The following VPS13D variants were observed in gnomAD, a reference collection of about 807,000 sequenced individuals.
The protein encoded by VPS13D is intermembrane lipid transfer protein VPS13D.
A neutral mutation model predicts 461.9 loss-of-function variants in VPS13D; 187 were observed. The ratio of observed to expected loss-of-function variants is 0.40; its 90% CI spans 0.36 to 0.46. The LOEUF (loss-of-function observed/expected upper bound fraction) is 0.46. Among genes scored for constraint, VPS13D ranks in the 20% least tolerant of loss-of-function variants. VPS13D has a pLI of 0.60. For synonymous variants in VPS13D, 1,951 were observed against 1,986.3 expected (o/e 0.98, Z 0.47); for missense variants, 4,711 against 5,364.9 (o/e 0.88, Z 3.81).
rs1305001366 is a variant in VPS13D at position 12,257,956 on chromosome 1, T to C, written c.963T>C (p.Phe321=). ...ISKNCREWWY[F]ALNANLYEIR... is the part of the protein sequence containing the mutation. ...TCAGCTGCCGAGAATGGTGGTATTTTGCTTTGAATGCTAACTTGTATGAGA... is the reference window on the plus strand; with the variant it reads ...TCAGCTGCCGAGAATGGTGGTATTTCGCTTTGAATGCTAACTTGTATGAGA... Residue 321 remains phenylalanine, a synonymous_variant, in exon 10 of 70, where the codon TTT becomes TTC. Transcript: ENST00000620676. 1 of 1,614,204 alleles carries C rather than the reference T, an allele frequency of 6.2e-7. No individual in the cohort carries two copies. The highest frequency in any genetic ancestry group is 1.1e-5 in the South Asian group (1 of 91,082).
rs571493361 is a variant in VPS13D at position 12,260,401 on chromosome 1, G to T, written c.1111-292G>T. On this transcript the variant is annotated intron_variant, in intron 10 of 69. Transcript: ENST00000620676. ...ATTCACCATTCATCTCAGGTGTCAT[G>T]AAACTTGTTAGTGATTTTTTTTTTC... Among the ~76,000 whole-genome samples the T allele has an allele frequency of 6.7e-4, 102 of 152,256 alleles. 4 individuals are homozygous for T. In the South Asian group the frequency reaches 0.021, roughly 31 times the overall value.
chr1:12,414,095 G>T (rs1644765406), intron 63 of VPS13D, among the ~76,000 whole-genome samples: 1 of 152,118 alleles, frequency 6.6e-6, no homozygotes, highest in South Asian at 2.1e-4. Flanking sequence ...ACCAGCCTGG[G>T]CAACATGGTG....
intron 65 of VPS13D, among the ~76,000 whole-genome samples, chr1:12,455,717 G>C (rs1025738152): frequency 3.3e-5 from 5 of 152,022 alleles, no homozygotes; most frequent in Non-Finnish European, 7.4e-5. Context: ...TCAGGAGTTC[G>C]AGACTAGCCT....
At chr1:12,352,855 C>T (rs1466943289) in intron 46 of VPS13D, among the ~76,000 whole-genome samples, 1 of 149,720 alleles carries the variant, frequency 6.7e-6, no homozygotes, top group Non-Finnish European at 1.5e-5. Context: ...ATCCCAGCTA[C>T]TCAGGAGGCT....
At chr1:12,354,958 C>A (rs978112626) in intron 47 of VPS13D, among the ~76,000 whole-genome samples, 1 of 152,178 alleles carries the variant, frequency 6.6e-6, no homozygotes, top group Non-Finnish European at 1.5e-5. Context: ...AATTGGGCAG[C>A]CCCCAGAATC....
intron 65 of VPS13D, among the ~76,000 whole-genome samples, chr1:12,443,645 A>C (rs1645155726): frequency 6.6e-6 from 1 of 151,896 alleles, no homozygotes; most frequent in South Asian, 2.1e-4. Flanking sequence ...AGTTCTACTT[A>C]CATTATGTTT....
In VPS13D at chr1:12,277,901, A is replaced by G; in HGVS notation, c.4313A>G (p.Gln1438Arg). The G allele has an allele frequency of 1.2e-6, 2 of 1,614,192 alleles. No homozygotes were observed. Among genetic ancestry groups the G allele is most frequent in the Non-Finnish European group, 1.7e-6 (2 of 1,180,028 alleles). The change falls in exon 19 of 70, where the codon CAG (glutamine) becomes CGG (arginine). Residue 1438 changes from glutamine to arginine, a missense_variant. Coordinates refer to ENST00000620676, the MANE Select transcript of VPS13D (RefSeq NM_015378.4). Reference protein sequence around the residue: ...DIKLYSLNCTQLAGREAVGSE... With the variant: ...DIKLYSLNCTRLAGREAVGSE... ...AAACTGTATTCTTTGAATTGCACCC[A>G]GTTGGCAGGTAGAGAAGCTGTTGGG...
Position 12,318,222 on chromosome 1 carries a change from C to T in VPS13D, c.7299C>T (p.Asn2433=). The T allele has an allele frequency of 6.2e-7, 1 of 1,614,212 alleles. No individual in the cohort carries two copies. The highest frequency in any genetic ancestry group is 8.5e-7 in the Non-Finnish European group (1 of 1,180,038). ...QNHVTPSRHR[N]SSSESAIVPK... is the part of the protein sequence containing the mutation. ...ATGTTACTCCTTCTCGCCACCGTAA[C>T]TCTAGCAGCGAATCTGCTATAGTTC... is the stretch of plus-strand genomic sequence containing the variant. Residue 2433 remains asparagine, a synonymous_variant, in exon 31 of 70, where the codon AAC becomes AAT. Coordinates refer to ENST00000620676, the MANE Select transcript of VPS13D (RefSeq NM_015378.4).
chr1:12,257,102 G>A lies in VPS13D; in HGVS notation c.941+15G>A, dbSNP rs780320963. On this transcript the variant is annotated intron_variant, in intron 9 of 69. Coordinates refer to ENST00000620676, the MANE Select transcript of VPS13D (RefSeq NM_015378.4). Reference sequence around the variant, plus strand: ...ATATCTAAGAAGTAAGGGCTTCTCAGTGTGGTCATGAAATTCATGTTAGAG... The same window carrying A: ...ATATCTAAGAAGTAAGGGCTTCTCAATGTGGTCATGAAATTCATGTTAGAG... 4.3e-6 allele frequency: 7 copies of A among 1,610,388 alleles called. No individual in the cohort carries two copies. The South Asian group carries it at 6.6e-5, about 15-fold the overall frequency.
At position 12,378,489 on chromosome 1, in the gene VPS13D, G is replaced by T; in HGVS notation, c.10979G>T (p.Gly3660Val). ...MTGTGMLAHE[G>V]SSVPHNPNKP... ...GGAACAGGAATGCTGGCCCATGAGG[G>T]CTCCTCAGTTCCTCACAATCCCAAT... Residue 3660 changes from glycine to valine, a missense_variant, in exon 56 of 70, where the codon GGC (glycine) becomes GTC (valine). Gly to Val is a moderately radical substitution (Grantham distance 109). Transcript: ENST00000620676. The T allele has an allele frequency of 6.2e-7, 1 of 1,612,470 alleles. No individual in the cohort carries two copies. The highest frequency in any genetic ancestry group is 1.7e-4 in the Middle Eastern group (1 of 6,056).
At position 12,327,796 on chromosome 1, in the gene VPS13D, C is replaced by T. The variant is rs752121874; in HGVS notation, c.8139C>T (p.Ile2713=). ...GVEIKAESVC[I]CFIDDCMDCD... Reference sequence around the variant, plus strand: ...AGATCAAAGCTGAGAGTGTGTGCATCTGTTTCATCGATGACTGCATGGATT... The same window carrying T: ...AGATCAAAGCTGAGAGTGTGTGCATTTGTTTCATCGATGACTGCATGGATT... Residue 2713 remains isoleucine, a synonymous_variant, in exon 36 of 70, where the codon ATC becomes ATT. Coordinates refer to ENST00000620676, the MANE Select transcript of VPS13D (RefSeq NM_015378.4). 6.2e-7 allele frequency: 1 copy of T among 1,614,138 alleles called. No homozygotes were observed. Among genetic ancestry groups the T allele is most frequent in the South Asian group, 1.1e-5 (1 of 91,080 alleles).
At chr1:12,288,398 G>A (rs1326300286) in intron 22 of VPS13D, 85 bp downstream of exon 22, 32 of 1,231,206 alleles carry the variant, frequency 2.6e-5, no homozygotes, top group South Asian at 1.5e-4. Context: ...TTGTCCTCAC[G>A]TGCTGAGTAA....
chr1:12,346,235 A>G (rs1253450341), intron 43 of VPS13D, among the ~76,000 whole-genome samples: 3 of 152,230 alleles, frequency 2.0e-5, no homozygotes, highest in East Asian at 3.8e-4. Context: ...ACAACTGTCC[A>G]TTTTTACTGT....
intron 22 of VPS13D, among the ~76,000 whole-genome samples, chr1:12,289,056 A>G (rs1214116604): frequency 1.3e-5 from 2 of 151,990 alleles, no homozygotes; most frequent in Non-Finnish European, 2.9e-5. Context: ...TGGCCAGGCT[A>G]TTCTCGAACT....
At chr1:12,363,387 T>A in intron 52 of VPS13D, 140 bp downstream of exon 52, 1 of 851,414 alleles carries the variant, frequency 1.2e-6, no homozygotes, top group Non-Finnish European at 1.8e-6. Context: ...TCCAGGGAAG[T>A]GTGAGGGGAT....
intron 1 of VPS13D, among the ~76,000 whole-genome samples, chr1:12,232,854 G>A (rs758327193): frequency 6.6e-6 from 1 of 151,668 alleles, no homozygotes; most frequent in Non-Finnish European, 1.5e-5. Flanking sequence ...CAGTGATAAA[G>A]CACTGTCGCC....
At chr1:12,312,040 C>CA in intron 29 of VPS13D, 115 bp downstream of exon 29, 1 of 717,362 alleles carries the variant, frequency 1.4e-6, no homozygotes. Flanking sequence ...GGAATGTTGT[C>CA]TGCAGAGTGT....
At chr1:12,347,780 G>T (rs1440734050) in intron 44 of VPS13D, among the ~76,000 whole-genome samples, 1 of 152,150 alleles carries the variant, frequency 6.6e-6, no homozygotes, top group Non-Finnish European at 1.5e-5. Flanking sequence ...ATATGTTCTG[G>T]ACACTCATTC....
chr1:12,362,341 C>T (rs1643963234), intron 50 of VPS13D, among the ~76,000 whole-genome samples: 1 of 152,146 alleles, frequency 6.6e-6, no homozygotes, highest in Admixed American at 6.5e-5. Flanking sequence ...AATTTTGTGT[C>T]CCAGGTGTAA....
Sources: gnomAD v4.1 joint callset for allele counts (sites outside exome capture counted in the v4.1 genomes callset) on GRCh38, gnomAD v4.1.1 for gene constraint, MANE v1.5 for transcripts, NCBI Gene and HGNC (gene_info 2026-07-23, HGNC 2026-07-21) for gene names.